The following PLA2G12B variants were observed in gnomAD, a reference collection of about 807,000 sequenced individuals.
The protein encoded by PLA2G12B is phospholipase A2 group XIIB.
Under a neutral mutation model 22.3 loss-of-function variants are expected in PLA2G12B, and 19 were observed. That is an observed-to-expected ratio of 0.85 (90% CI 0.60 to 1.25). PLA2G12B has a LOEUF of 1.25. Ranked by LOEUF, PLA2G12B falls within the 50% of genes most tolerant of loss-of-function variation. PLA2G12B has a pLI of 0.00. For synonymous variants in PLA2G12B, 81 were observed against 94.9 expected (o/e 0.85, Z 0.85); for missense variants, 191 against 246.6 (o/e 0.77, Z 1.51).
intron 2 of PLA2G12B, among the ~76,000 whole-genome samples, chr10:72,941,962 G>C (rs1039200586): frequency 6.6e-6 from 1 of 152,196 alleles, no homozygotes; most frequent in East Asian, 1.9e-4. Context: ...TGTAAATGTA[G>C]TGGCATAAAC....
Position 72,941,320 on chromosome 10 carries a change from A to T in PLA2G12B, c.315T>A (p.Ile105=). The T allele has an allele frequency of 1.9e-6, 3 of 1,613,774 alleles. No individual in the cohort carries two copies. The highest frequency in any genetic ancestry group is 2.5e-6 in the Non-Finnish European group (3 of 1,179,670). The stretch of plus-strand genomic sequence containing the variant: ...GGTTGCAGCACTTTGTCATTGCTGG[A>T]ATGCCCAAGTCCATCTGGGGAAAAG... ...LKVPESMDLG[I]PAMTKCCNQL... The change falls in exon 3 of 4, where the codon ATT becomes ATA. Residue 105 remains isoleucine (I), a synonymous_variant. Coordinates refer to ENST00000373032, the MANE Select transcript of PLA2G12B (RefSeq NM_032562.5).
chr10:72,938,213 C>A (rs904241811), intron 3 of PLA2G12B, among the ~76,000 whole-genome samples: 4 of 152,000 alleles, frequency 2.6e-5, no homozygotes, highest in Non-Finnish European at 2.9e-5. Context: ...TAATAAAGGT[C>A]GTCTAATGAC....
chr10:72,941,427 A>G lies in PLA2G12B; in HGVS notation c.301-93T>C. On this transcript the variant is annotated intron_variant, in intron 2 of 3. Coordinates refer to ENST00000373032, the MANE Select transcript of PLA2G12B (RefSeq NM_032562.5). ...AACCTTGCCCACCTTGTTATTAACT[A>G]GCTGGTTCTCACATTTCTGTTGCAT... is the stretch of plus-strand genomic sequence containing the variant. 2.4e-6 allele frequency: 3 copies of G among 1,276,258 alleles called. No homozygotes were observed. In the South Asian group the frequency reaches 4.1e-5, roughly 17 times the overall value. The allele number at this position is 1,276,258 out of a possible 1,614,324, so 79.1% of individuals were successfully genotyped here.
intron 2 of PLA2G12B, 129 bp downstream of exon 2, chr10:72,942,523 A>G (rs1199567941): frequency 1.5e-6 from 1 of 684,890 alleles, no homozygotes; most frequent in Non-Finnish European, 2.2e-6. Context: ...TCTCCCTCAT[A>G]TCCAATTTAA....
rs761762052 is a variant in PLA2G12B, at chr10:72,942,602, G to T, written c.300+50C>A. On this transcript the variant is annotated intron_variant, in intron 2 of 3. Coordinates refer to ENST00000373032, the MANE Select transcript of PLA2G12B (RefSeq NM_032562.5). ...TTCCATCAAGGATAACTCTAGGATT[G>T]CTCTCAGTCAAAACCAACCAACCAA... is the stretch of plus-strand genomic sequence containing the variant. 1.1e-5 allele frequency: 15 copies of T among 1,403,480 alleles called. No individual in the cohort carries two copies. In the South Asian group the frequency reaches 1.5e-4, roughly 14 times the overall value. 86.9% of individuals were successfully genotyped at this position (1,403,480 alleles called of 1,614,324 possible).
At chr10:72,950,726 G>C (rs7904738) in intron 1 of PLA2G12B, among the ~76,000 whole-genome samples, 31,576 of 151,984 alleles carry the variant, frequency 0.21, 5,948 homozygotes, top group African/African-American at 0.5. Context: ...ATGATCCGCC[G>C]GCCTCAGCCT....
chr10:72,942,150 GT>G, intron 2 of PLA2G12B, among the ~76,000 whole-genome samples: 1 of 44,650 alleles, frequency 2.2e-5, no homozygotes, highest in African/African-American at 2.8e-4. Flanking sequence ...AGGGCGTCGG[GT>G]GTGTGTGTGT....
rs1001901557 is a variant in PLA2G12B at position 72,946,216 on chromosome 10, CT to C, written c.212-3477del. On this transcript the variant is annotated intron_variant, in intron 1 of 3. Transcript: ENST00000373032. ...TGAATTAAATCATACAATATGTGGCCTTTTGTGTCTGGCTTCTTTCTCTTAG... is the reference window on the plus strand; with the variant it reads ...TGAATTAAATCATACAATATGTGGCCTTTGTGTCTGGCTTCTTTCTCTTAG... 1.0e-3 allele frequency among the ~76,000 whole-genome samples: 153 copies of C among 152,228 alleles called. 2 individuals carry two copies. Among genetic ancestry groups the C allele is most frequent in the African/African-American group, 3.5e-3 (146 of 41,534 alleles).
intron 1 of PLA2G12B, among the ~76,000 whole-genome samples, chr10:72,951,932 C>T (rs776337423): frequency 2.8e-4 from 43 of 152,146 alleles, no homozygotes; most frequent in Non-Finnish European, 4.4e-4. Flanking sequence ...TCATGGGCTA[C>T]CAGGATACAT....
chr10:72,942,225 A>G (rs943016911), intron 2 of PLA2G12B, among the ~76,000 whole-genome samples: 5 of 151,082 alleles, frequency 3.3e-5, no homozygotes, highest in Admixed American at 3.3e-4. Context: ...AACATAGCCA[A>G]TTTGGCACTA....
chr10:72,941,405 C>A, intron 2 of PLA2G12B, 71 bp from the exon 3 acceptor site: 1 of 1,449,620 alleles, frequency 6.9e-7, no homozygotes, highest in South Asian at 1.3e-5. Flanking sequence ...CTTAGGCAAC[C>A]TTGCCCACCT....
intron 3 of PLA2G12B, among the ~76,000 whole-genome samples, chr10:72,937,083 C>T (rs369604778): frequency 8.2e-4 from 124 of 152,086 alleles, no homozygotes; most frequent in African/African-American, 2.6e-3. Flanking sequence ...TGGTGGCGGG[C>T]GCCTGTAGTC....
chr10:72,951,962 C>T (rs1846538440), intron 1 of PLA2G12B, among the ~76,000 whole-genome samples: 1 of 152,200 alleles, frequency 6.6e-6, no homozygotes, highest in Non-Finnish European at 1.5e-5. Flanking sequence ...TATCTGCCTG[C>T]ATAATTTAAC....
intron 1 of PLA2G12B, among the ~76,000 whole-genome samples, chr10:72,953,672 C>G (rs1846568945): frequency 6.6e-6 from 1 of 152,126 alleles, no homozygotes; most frequent in Non-Finnish European, 1.5e-5. Context: ...ACATTAACTT[C>G]CAGGGCCCCT....
At chr10:72,946,354 A>G (rs913443367) in intron 1 of PLA2G12B, among the ~76,000 whole-genome samples, 1 of 152,164 alleles carries the variant, frequency 6.6e-6, no homozygotes, top group Non-Finnish European at 1.5e-5. Flanking sequence ...TTACCCATTC[A>G]TCGGTTAATA....
intron 1 of PLA2G12B, among the ~76,000 whole-genome samples, chr10:72,946,917 ATCT>A (rs1032883455): frequency 6.8e-6 from 1 of 146,686 alleles, no homozygotes; most frequent in Non-Finnish European, 1.5e-5. Flanking sequence ...ATTTGTTTTC[ATCT>A]TCTTTTTTTT....
Position 72,942,759 on chromosome 10 carries a change from G to A in PLA2G12B, c.212-19C>T. 6.4e-7 allele frequency: 1 copy of A among 1,551,068 alleles called. No homozygotes were observed. Among genetic ancestry groups the A allele is most frequent in the Non-Finnish European group, 8.8e-7 (1 of 1,139,192 alleles). ...GCCTTTCCTTGCAGGAGGAAGAAAGGAAAGAAGCAAGAAGAAATATTTAGA... is the reference window on the plus strand; with the variant it reads ...GCCTTTCCTTGCAGGAGGAAGAAAGAAAAGAAGCAAGAAGAAATATTTAGA... On this transcript the variant is annotated intron_variant, in intron 1 of 3. Transcript: ENST00000373032.
At chr10:72,939,535 A>C (rs574417066) in intron 3 of PLA2G12B, among the ~76,000 whole-genome samples, 14 of 152,348 alleles carry the variant, frequency 9.2e-5, no homozygotes, top group Admixed American at 2.6e-4. Context: ...GAATCTACAA[A>C]GGGACGTTTC....
At position 72,948,882 on chromosome 10, in the gene PLA2G12B, C is replaced by T. The variant is rs530298920; in HGVS notation, c.211+5593G>A. ...CTTAAAAGACCAACTGGAGGGAGAT[C>T]GAGAAGTGTTAGCCAAGAATCCCAA... On this transcript the variant is annotated intron_variant, in intron 1 of 3. Coordinates refer to ENST00000373032, the MANE Select transcript of PLA2G12B (RefSeq NM_032562.5). 7.9e-5 allele frequency among the ~76,000 whole-genome samples: 12 copies of T among 152,294 alleles called. No homozygotes were observed. The South Asian group carries it at 1.4e-3, about 18-fold the overall frequency.
Sources: allele counts gnomAD v4.1 joint callset (sites outside exome capture counted in the v4.1 genomes callset), GRCh38; gene constraint gnomAD v4.1.1; transcripts MANE v1.5; gene names NCBI Gene and HGNC (gene_info 2026-07-23, HGNC 2026-07-21).